Variants in TAF2 observed in about 807,000 individuals in gnomAD.
The protein encoded by TAF2 is TATA-box binding protein associated factor 2.
In TAF2, 61 loss-of-function variants were observed where a neutral mutation model predicts 138.5. The observed-to-expected ratio is 0.44, with a 90% CI of 0.36 to 0.54. The LOEUF is 0.54. Among genes scored for constraint, TAF2 ranks in the 20% least tolerant of loss-of-function variants. The pLI is 0.00. For missense variants in TAF2, 1,090 were observed against 1,427.9 expected (o/e 0.76, Z 3.81); for synonymous variants, 475 against 469.9 (o/e 1.01, Z -0.14).
chr8:119,759,917 C>A (rs995579227), intron 20 of TAF2, among the ~76,000 whole-genome samples: 3 of 152,084 alleles, frequency 2.0e-5, no homozygotes, highest in Non-Finnish European at 2.9e-5. Context: ...CCACACTATT[C>A]TTTTGCCTTG....
chr8:119,746,831 C>G lies in TAF2; in HGVS notation c.2982G>C (p.Leu994Phe), dbSNP rs535043282. ...PSCLPLPELG[L>F]VLNLKEKKAV... is the part of the protein sequence containing the mutation. The stretch of plus-strand genomic sequence containing the variant: ...CTTTTTTCTCCTTTAGATTAAGAAC[C>G]AACCCAAGCTCTGGCAAGGGTAAAC... Residue 994 changes from leucine (L) to phenylalanine (F), a missense_variant, in exon 23 of 26, where the codon TTG becomes TTC. This residue lies in a region of TAF2 where 580 missense variants were observed against 719.6 expected (regional missense o/e 0.81). Coordinates refer to ENST00000378164, the MANE Select transcript of TAF2 (RefSeq NM_003184.4). 6.2e-7 allele frequency: 1 copy of G among 1,613,976 alleles called. No homozygotes were observed. Among genetic ancestry groups the G allele is most frequent in the South Asian group, 1.1e-5 (1 of 91,078 alleles).
intron 25 of TAF2, among the ~76,000 whole-genome samples, chr8:119,740,398 T>TG (rs1485395945): frequency 2.0e-5 from 3 of 150,386 alleles, no homozygotes; most frequent in Non-Finnish European, 4.4e-5. Context: ...CTCACGCCTG[T>TG]GATCCTAGCA....
chr8:119,732,020 CT>C lies in TAF2; in HGVS notation c.3503del (p.Lys1168SerfsTer49). 1 of 1,614,142 alleles carries C rather than the reference CT, an allele frequency of 6.2e-7. No individual in the cohort carries two copies. The highest frequency in any genetic ancestry group is 8.5e-7 in the Non-Finnish European group (1 of 1,180,018). On this transcript the variant is annotated frameshift_variant, in exon 26 of 26. Transcript: ENST00000378164. LOFTEE classifies it high-confidence loss of function. Reference protein sequence around the residue: ...KKKHKHKHKHKHKHDSKEKDK... With the variant: ...KKKHKHKHKHXHKHDSKEKDK... ...CCTTTTCTTTACTGTCATGCTTATG[CT>C]TGTGTTTGTGCTTATGTTTATGCTT...
chr8:119,830,448 G>A (rs1337771169), intron 2 of TAF2, among the ~76,000 whole-genome samples: 1 of 151,988 alleles, frequency 6.6e-6, no homozygotes, highest in Admixed American at 6.6e-5. Context: ...GATTACCGCA[G>A]TAACCTCTGA....
At chr8:119,763,166 C>T (rs1340379862) in intron 18 of TAF2, among the ~76,000 whole-genome samples, 1 of 152,178 alleles carries the variant, frequency 6.6e-6, no homozygotes, top group Non-Finnish European at 1.5e-5. Context: ...CAGAAGCTCA[C>T]ACTGACACAC....
intron 6 of TAF2, among the ~76,000 whole-genome samples, chr8:119,801,405 G>A (rs1217296883): frequency 6.6e-6 from 1 of 150,800 alleles, no homozygotes; most frequent in African/African-American, 2.4e-5. Flanking sequence ...AAAAAAGAGT[G>A]AAGGAAGACA....
At chr8:119,757,492 TTTTAA>T (rs1820777536) in intron 21 of TAF2, among the ~76,000 whole-genome samples, 1 of 152,190 alleles carries the variant, frequency 6.6e-6, no homozygotes, top group Admixed American at 6.5e-5. Flanking sequence ...GTTGTTATAC[TTTTAA>T]TTTGTTTGAT....
intron 22 of TAF2, among the ~76,000 whole-genome samples, chr8:119,749,287 G>A (rs532178926): frequency 6.6e-6 from 1 of 152,108 alleles, no homozygotes; most frequent in Non-Finnish European, 1.5e-5. Context: ...GGTTTTGCTA[G>A]ACCTTTAATT....
intron 17 of TAF2, among the ~76,000 whole-genome samples, chr8:119,780,224 C>T (rs1477923939): frequency 2.0e-5 from 3 of 152,120 alleles, no homozygotes; most frequent in African/African-American, 7.2e-5. Context: ...CTGTCATTCC[C>T]ATATCCTTTC....
chr8:119,794,041 C>T (rs1177976385), intron 9 of TAF2, among the ~76,000 whole-genome samples: 2 of 151,972 alleles, frequency 1.3e-5, no homozygotes, highest in Non-Finnish European at 2.9e-5. Context: ...GATCCTCCCA[C>T]CTCAGCCCAA....
chr8:119,759,952 C>T (rs1217155711), intron 20 of TAF2, among the ~76,000 whole-genome samples: 1 of 152,014 alleles, frequency 6.6e-6, no homozygotes, highest in Non-Finnish European at 1.5e-5. Flanking sequence ...TCTGATAGTC[C>T]TAGAAACTCA....
chr8:119,739,099 C>A (rs568958218), intron 25 of TAF2, among the ~76,000 whole-genome samples: 10 of 151,480 alleles, frequency 6.6e-5, no homozygotes, highest in Middle Eastern at 3.4e-3. Flanking sequence ...TACTGCAGCC[C>A]TAGCTAGGCA....
At chr8:119,784,254 C>G (rs1249043354) in intron 15 of TAF2, among the ~76,000 whole-genome samples, 1 of 152,098 alleles carries the variant, frequency 6.6e-6, no homozygotes, top group Non-Finnish European at 1.5e-5. Flanking sequence ...ATGGAAAAAT[C>G]AAAATTAGCA....
chr8:119,793,998 G>A (rs1377786001), intron 9 of TAF2, among the ~76,000 whole-genome samples: 1 of 151,852 alleles, frequency 6.6e-6, no homozygotes, highest in Non-Finnish European at 1.5e-5. Context: ...GCTGATTATG[G>A]CTTACTGCAG....
chr8:119,766,651 G>A (rs1206219158), intron 18 of TAF2, among the ~76,000 whole-genome samples: 3 of 151,468 alleles, frequency 2.0e-5, no homozygotes, highest in South Asian at 2.1e-4. Flanking sequence ...TTAGCTGAGT[G>A]TGGTACAAAA....
At chr8:119,803,578 G>T (rs1824411106) in intron 5 of TAF2, among the ~76,000 whole-genome samples, 1 of 151,906 alleles carries the variant, frequency 6.6e-6, no homozygotes, top group South Asian at 2.1e-4. Flanking sequence ...TGTAATACCA[G>T]CTACTTGGGA....
intron 18 of TAF2, among the ~76,000 whole-genome samples, chr8:119,774,769 C>T (rs1822102297): frequency 6.6e-6 from 1 of 152,100 alleles, no homozygotes; most frequent in Non-Finnish European, 1.5e-5. Flanking sequence ...CTAAATTACA[C>T]ATTTGGCTTC....
chr8:119,767,915 G>A (rs1022136756), intron 18 of TAF2, among the ~76,000 whole-genome samples: 6 of 152,102 alleles, frequency 3.9e-5, no homozygotes, highest in Admixed American at 2.0e-4. Context: ...GTCACCACAG[G>A]CCACCACAGA....
At chr8:119,816,202 T>C (rs912674824) in intron 3 of TAF2, among the ~76,000 whole-genome samples, 2 of 151,656 alleles carry the variant, frequency 1.3e-5, no homozygotes, top group Non-Finnish European at 2.9e-5. Flanking sequence ...AGGCACCCAC[T>C]ACTACACCCG....
Sources: allele counts gnomAD v4.1 joint callset (sites outside exome capture counted in the v4.1 genomes callset), GRCh38; gene constraint gnomAD v4.1.1; regional missense constraint gnomAD v4.1.1; transcripts MANE v1.5; gene names NCBI Gene and HGNC (gene_info 2026-07-23, HGNC 2026-07-21).